MBNL2: variants seen among roughly 807,000 people sequenced by gnomAD.
MBNL2 encodes the protein muscleblind like splicing regulator 2.
MBNL2 carries 17 observed loss-of-function variants against 41.9 expected under a neutral mutation model. That is an observed-to-expected ratio of 0.41 (90% CI 0.28 to 0.61). MBNL2 has a LOEUF of 0.61. MBNL2 is among the 20% of genes least tolerant of loss of function. The pLI is 0.35. For synonymous variants in MBNL2, 195 were observed against 182.9 expected, an observed-to-expected ratio of 1.07 and a Z score of -0.53; for missense variants, 336 against 505.6, an observed-to-expected ratio of 0.66 and a Z score of 3.22.
intron 8 of MBNL2, among the ~76,000 whole-genome samples, chr13:97,388,869 T>C (rs2066155556): frequency 6.6e-6 from 1 of 152,134 alleles, no homozygotes; most frequent in Admixed American, 6.5e-5. Flanking sequence ...ATGGAACCTA[T>C]AAGGAAAAAC....
the MBNL2 span, among the ~76,000 whole-genome samples, chr13:97,210,568 T>C: frequency 7.4e-6 from 1 of 134,390 alleles, no homozygotes; most frequent in Non-Finnish European, 1.6e-5. Flanking sequence ...TATACAACTG[T>C]GAATTTTTTT....
chr13:97,361,477 T>C (rs1481445557), intron 7 of MBNL2, among the ~76,000 whole-genome samples: 2 of 152,148 alleles, frequency 1.3e-5, no homozygotes, highest in African/African-American at 4.8e-5. Context: ...GAATCTGGCA[T>C]TAAGGGAGCC....
chr13:97,261,204 C>A (rs930599935), intron 1 of MBNL2, among the ~76,000 whole-genome samples: 1 of 152,046 alleles, frequency 6.6e-6, no homozygotes, highest in Non-Finnish European at 1.5e-5. Context: ...TGTGCTGAGC[C>A]CATGATGGAT....
chr13:97,323,940 TTTAAG>T (rs1168666898), intron 2 of MBNL2, among the ~76,000 whole-genome samples: 3 of 152,208 alleles, frequency 2.0e-5, no homozygotes, highest in East Asian at 1.9e-4. Flanking sequence ...AATTATATTC[TTTAAG>T]TTATTTAAAA....
chr13:97,225,627 G>A (rs1318829223), intron 1 of MBNL2, among the ~76,000 whole-genome samples: 1 of 152,096 alleles, frequency 6.6e-6, no homozygotes, highest in Admixed American at 6.5e-5. Context: ...AAAAAGGTAG[G>A]GAGGTGTGGG....
chr13:97,275,352 C>T (rs2051984780), intron 1 of MBNL2, among the ~76,000 whole-genome samples: 1 of 152,204 alleles, frequency 6.6e-6, no homozygotes, highest in South Asian at 2.1e-4. Flanking sequence ...GGCGATTAAG[C>T]ACATTAGATG....
the MBNL2 span, among the ~76,000 whole-genome samples, chr13:97,152,425 T>G: frequency 6.6e-6 from 1 of 151,706 alleles, no homozygotes; most frequent in Non-Finnish European, 1.5e-5. Flanking sequence ...GTACATGAGT[T>G]TTCACATTAA....
the MBNL2 span, among the ~76,000 whole-genome samples, chr13:97,158,792 T>G: frequency 1.3e-5 from 2 of 152,266 alleles, no homozygotes; most frequent in African/African-American, 4.8e-5. Context: ...CTTTTACATT[T>G]GCTGAGGAGA....
chr13:97,314,926 G>C (rs2058907758), intron 2 of MBNL2, among the ~76,000 whole-genome samples: 2 of 152,160 alleles, frequency 1.3e-5, no homozygotes, highest in Non-Finnish European at 2.9e-5. Flanking sequence ...AAAATAGAAT[G>C]ATATGAAATT....
At chr13:97,236,833 A>G (rs1277110439) in intron 1 of MBNL2, among the ~76,000 whole-genome samples, 1 of 152,236 alleles carries the variant, frequency 6.6e-6, no homozygotes, top group Non-Finnish European at 1.5e-5. Context: ...GCTGACAGTA[A>G]TAATAACAGT....
intron 2 of MBNL2, among the ~76,000 whole-genome samples, chr13:97,302,755 G>C (rs2057752274): frequency 6.6e-6 from 1 of 152,154 alleles, no homozygotes; most frequent in African/African-American, 2.4e-5. Flanking sequence ...CTGGGGCCCA[G>C]ACTCTGTTGG....
At chr13:97,319,512 T>C (rs1444261230) in intron 2 of MBNL2, among the ~76,000 whole-genome samples, 1 of 152,112 alleles carries the variant, frequency 6.6e-6, no homozygotes, top group Non-Finnish European at 1.5e-5. Flanking sequence ...CCTCTGTATG[T>C]CAAAGTGCCA....
At chr13:97,304,258 C>A (rs564366467) in intron 2 of MBNL2, among the ~76,000 whole-genome samples, 1 of 152,304 alleles carries the variant, frequency 6.6e-6, no homozygotes, top group East Asian at 1.9e-4. Flanking sequence ...GGAGAAAAGT[C>A]TTTGTCACAT....
At chr13:97,249,533 G>A (rs2046122523) in intron 1 of MBNL2, among the ~76,000 whole-genome samples, 1 of 152,206 alleles carries the variant, frequency 6.6e-6, no homozygotes, top group South Asian at 2.1e-4. Flanking sequence ...GCTGCTTAAT[G>A]TCTGATGAAA....
chr13:97,205,400 A>T, the MBNL2 span, among the ~76,000 whole-genome samples: 20 of 151,768 alleles, frequency 1.3e-4, no homozygotes, highest in Non-Finnish European at 2.9e-5. Context: ...AAAAAAATAA[A>T]AAATAAAAAA....
At chr13:97,267,514 C>G (rs1337798786) in intron 1 of MBNL2, among the ~76,000 whole-genome samples, 1 of 152,136 alleles carries the variant, frequency 6.6e-6, no homozygotes. Context: ...CCTGGATATT[C>G]CTTAAATCAC....
At chr13:97,258,912 A>AC (rs2152868111) in intron 1 of MBNL2, among the ~76,000 whole-genome samples, 1 of 152,010 alleles carries the variant, frequency 6.6e-6, no homozygotes, top group South Asian at 2.1e-4. Flanking sequence ...ACATATGTTA[A>AC]CCCCCCAGGC....
chr13:97,152,550 T>G, the MBNL2 span, among the ~76,000 whole-genome samples: 1 of 152,050 alleles, frequency 6.6e-6, no homozygotes, highest in Non-Finnish European at 1.5e-5. Flanking sequence ...TTTCAGAAAG[T>G]AAAGAAATAA....
the MBNL2 span, among the ~76,000 whole-genome samples, chr13:97,203,738 TTTAG>T: frequency 6.6e-6 from 1 of 152,184 alleles, no homozygotes; most frequent in Admixed American, 6.5e-5. Context: ...ATGTAATTCC[TTTAG>T]TTAGTTAATT....
Sources: gnomAD v4.1 joint callset for allele counts (sites outside exome capture counted in the v4.1 genomes callset) on GRCh38, gnomAD v4.1.1 for gene constraint, MANE v1.5 for transcripts, NCBI Gene and HGNC (gene_info 2026-07-23, HGNC 2026-07-21) for gene names.